The following ACSL6 variants were observed in gnomAD, a reference collection of about 807,000 sequenced individuals.
ACSL6 encodes the protein long-chain-fatty-acid--CoA ligase 6.
ACSL6 carries 47 observed loss-of-function variants against 98.2 expected under a neutral mutation model. That is an observed-to-expected ratio of 0.48 (90% confidence interval 0.38 to 0.61). ACSL6 has a LOEUF of 0.61. Ranked by LOEUF, ACSL6 falls within the 20% of genes least tolerant of loss-of-function variation. ACSL6 has a pLI of 0.00. For synonymous variants in ACSL6, 362 were observed against 336.9 expected (o/e 1.07, Z -0.82); for missense variants, 761 against 913.4 (o/e 0.83, Z 2.15).
In ACSL6 at chr5:131,953,925, T is replaced by C. The variant is rs1210657367; in HGVS notation, c.*309A>G. ...ACTTATGTTTTTCCTTTATGTTTAA[T>C]AGTTCTGTGAACATTGACAATATAT... On this transcript the variant is annotated 3_prime_UTR_variant, in exon 21 of 21. Coordinates refer to ENST00000651883, the MANE Select transcript of ACSL6 (RefSeq NM_001009185.3). The C allele has an allele frequency of 8.7e-6, 2 of 230,026 alleles. No individual in the cohort carries two copies. The highest frequency in any genetic ancestry group is 8.5e-6 in the Non-Finnish European group (1 of 117,140). 14.2% of individuals were successfully genotyped at this position (230,026 alleles called of 1,614,324 possible). A position where few individuals can be genotyped will look rare whatever the true frequency, so the allele number is the denominator to read the frequency against.
intron 9 of ACSL6, chr5:131,984,584 A>C (rs1365890138): frequency 6.6e-6 from 1 of 152,464 alleles, no homozygotes; most frequent in South Asian, 2.1e-4. Context: ...GCTTGGTGAC[A>C]ATCCTGCTCA....
At chr5:131,974,628 C>G in intron 11 of ACSL6, 1 of 1,072,944 alleles carries the variant, frequency 9.3e-7, no homozygotes, top group Non-Finnish European at 1.4e-6. Flanking sequence ...CCTCTGAGCC[C>G]TCTGACCCCT....
At chr5:131,985,323 A>G in intron 9 of ACSL6, 84 bp downstream of exon 9, 5 of 1,543,770 alleles carry the variant, frequency 3.2e-6, no homozygotes, top group African/African-American at 1.4e-5. Flanking sequence ...CAAACAGGGT[A>G]TCAAAGACTC....
Position 131,960,621 on chromosome 5 carries a change from C to A in ACSL6, c.1858G>T (p.Ala620Ser). 6.2e-7 allele frequency: 1 copy of A among 1,612,786 alleles called. No individual in the cohort carries two copies. The highest frequency in any genetic ancestry group is 8.5e-7 in the Non-Finnish European group (1 of 1,179,450). Residue 620 changes from alanine (A) to serine (S), a missense_variant and splice_region_variant, in exon 19 of 21, where the codon GCC becomes TCC. Transcript: ENST00000651883. ...GGCACAACAATGCCTACCAAAAAGG[C>A]CTGCAGTGCTCACCAAAGGAGAACA... ...QIYVHGDSLK[A>S]FLVGIVVPDP...
At chr5:131,959,512 G>C (rs777977624) in intron 20 of ACSL6, 24 bp downstream of exon 20, 1 of 1,609,750 alleles carries the variant, frequency 6.2e-7, no homozygotes, top group Admixed American at 1.7e-5. Context: ...GGGTTGTAAC[G>C]AGTATGGGGA....
chr5:131,960,416 C>T (rs1752643228), intron 19 of ACSL6, 104 bp downstream of exon 19: 10 of 825,464 alleles, frequency 1.2e-5, no homozygotes, highest in South Asian at 1.1e-4. Flanking sequence ...TTAGAAATTT[C>T]GTACGAGCTC....
Position 131,971,605 on chromosome 5 carries a change from G to C in ACSL6, c.1379C>G (p.Ala460Gly). The C allele has an allele frequency of 6.2e-7, 1 of 1,612,484 alleles. No homozygotes were observed. Among genetic ancestry groups the C allele is most frequent in the Middle Eastern group, 1.7e-4 (1 of 6,058 alleles). ...GGCVRMIVTG[A>G]APASPTVLGF... is the part of the protein sequence containing the mutation. ...CAGAACTGTTGGTGATGCTGGGGCT[G>C]CTCCAGTAACAATCATCCGCACACA... Residue 460 changes from alanine (A) to glycine (G), a missense_variant, in exon 14 of 21, where the codon GCA becomes GGA. By Grantham distance (60) the Ala-to-Gly change is moderately conservative. Coordinates refer to ENST00000651883, the MANE Select transcript of ACSL6 (RefSeq NM_001009185.3).
In ACSL6 at chr5:131,972,998, C is replaced by T. The variant is rs963132533; in HGVS notation, c.1204-140G>A. Reference sequence around the variant, plus strand: ...CTGCAGGAGGTCACTGAATGTGTGACATTGAGCTGAAGGTTAACACTGCCA... The same window carrying T: ...CTGCAGGAGGTCACTGAATGTGTGATATTGAGCTGAAGGTTAACACTGCCA... On this transcript the variant is annotated intron_variant, in intron 12 of 20. Transcript: ENST00000651883. 5 of 1,260,316 alleles carry T rather than the reference C, an allele frequency of 4.0e-6. 1 individual carries two copies. Among genetic ancestry groups the T allele is most frequent in the East Asian group, 5.0e-5 (2 of 40,072 alleles). The allele number at this position is 1,260,316 out of a possible 1,614,324, so 78.1% of individuals were successfully genotyped here.
chr5:131,979,019 C>G (rs190196255), intron 9 of ACSL6, among the ~76,000 whole-genome samples: 1 of 152,308 alleles, frequency 6.6e-6, no homozygotes, highest in African/African-American at 2.4e-5. Flanking sequence ...TTACATTTCT[C>G]TAATAAATAG....
chr5:131,951,803 G>T lies in ACSL6; in HGVS notation c.*2431C>A, dbSNP rs1268580365. 1 of 161,416 alleles carries T rather than the reference G, an allele frequency of 6.2e-6. No homozygotes were observed. The highest frequency in any genetic ancestry group is 1.4e-5 in the Non-Finnish European group (1 of 73,608). 10.0% of individuals were successfully genotyped at this position (161,416 alleles called of 1,614,324 possible). A position where few individuals can be genotyped will look rare whatever the true frequency, so the allele number is the denominator to read the frequency against. On this transcript the variant is annotated 3_prime_UTR_variant, in exon 21 of 21. Coordinates refer to ENST00000651883, the MANE Select transcript of ACSL6 (RefSeq NM_001009185.3). ...GGGGTTTCACTGTGTTAGCCAGGAT[G>T]GTCTCGATCTCCTGACTTCGTGATC... is the stretch of plus-strand genomic sequence containing the variant.
intron 19 of ACSL6, chr5:131,959,849 T>C: frequency 1.9e-6 from 1 of 535,050 alleles, no homozygotes; most frequent in Non-Finnish European, 3.3e-6. Context: ...CTCAATTTTT[T>C]TTTAAAGCAG....
chr5:131,994,324 C>T, intron 1 of ACSL6, 73 bp from the exon 2 acceptor site: 2 of 1,306,012 alleles, frequency 1.5e-6, no homozygotes, highest in Non-Finnish European at 2.1e-6. Flanking sequence ...GGTCACAGGA[C>T]CTGATATCTG....
At chr5:131,981,118 A>C (rs1262775001) in intron 9 of ACSL6, among the ~76,000 whole-genome samples, 1 of 151,938 alleles carries the variant, frequency 6.6e-6, no homozygotes, top group Non-Finnish European at 1.5e-5. Flanking sequence ...TGGTACTTGG[A>C]GACCTCCTTT....
intron 1 of ACSL6, among the ~76,000 whole-genome samples, chr5:132,010,228 C>T (rs1016668800): frequency 5.3e-5 from 8 of 152,130 alleles, no homozygotes; most frequent in African/African-American, 1.7e-4. Context: ...GGGAAGTGTC[C>T]CTGTGGCCTA....
rs561742921 is a variant in ACSL6 at position 131,989,841 on chromosome 5, G to A, written c.450+259C>T. On this transcript the variant is annotated intron_variant, in intron 4 of 20. Coordinates refer to ENST00000651883, the MANE Select transcript of ACSL6 (RefSeq NM_001009185.3). ...ACTCCTGTGCTCAGGCAATCCACCCGCCTTGGCCTCCCAAAGTGCTGGGAT... is the reference window on the plus strand; with the variant it reads ...ACTCCTGTGCTCAGGCAATCCACCCACCTTGGCCTCCCAAAGTGCTGGGAT... 3.3e-5 allele frequency among the ~76,000 whole-genome samples: 5 copies of A among 152,100 alleles called. No homozygotes were observed. In the South Asian group the frequency reaches 8.3e-4, roughly 25 times the overall value.
In ACSL6 at chr5:131,974,936, A is replaced by G; in HGVS notation, c.1025T>C (p.Ile342Thr). 6.2e-7 allele frequency: 1 copy of G among 1,614,180 alleles called. No homozygotes were observed. The highest frequency in any genetic ancestry group is 8.5e-7 in the Non-Finnish European group (1 of 1,180,034). ...CATGTGAGCCAGAGGCAGGAAGGAGATGAGCACATCGTCCTGTCTCGGAAA... is the reference window on the plus strand; with the variant it reads ...CATGTGAGCCAGAGGCAGGAAGGAGGTGAGCACATCGTCCTGTCTCGGAAA... ...VIFPRQDDVL[I>T]SFLPLAHMFE... Residue 342 changes from isoleucine to threonine, a missense_variant, in exon 11 of 21, where the codon ATC (isoleucine) becomes ACC (threonine). Physicochemically the swap from Ile to Thr is moderately conservative, Grantham distance 89. Transcript: ENST00000651883.
rs895263279 is a variant in ACSL6 at position 131,952,429 on chromosome 5, C to G, written c.*1805G>C. 9.4e-6 allele frequency: 2 copies of G among 212,022 alleles called. No individual in the cohort carries two copies. The highest frequency in any genetic ancestry group is 1.9e-5 in the Non-Finnish European group (2 of 104,824). 13.1% of individuals were successfully genotyped at this position (212,022 alleles called of 1,614,324 possible). On this transcript the variant is annotated 3_prime_UTR_variant, in exon 21 of 21. Transcript: ENST00000651883. ...ACTGATGCATATTTATTCAGTAGGC[C>G]CATGTGATTATGTGGTTTTTAACTA...
intron 9 of ACSL6, among the ~76,000 whole-genome samples, chr5:131,981,529 C>T (rs1055398244): frequency 6.6e-6 from 1 of 152,148 alleles, no homozygotes; most frequent in African/African-American, 2.4e-5. Flanking sequence ...CCAGAAGACA[C>T]CCTCTACCCT....
At chr5:131,960,907 G>A (rs1752672263) in intron 18 of ACSL6, 1 of 264,104 alleles carries the variant, frequency 3.8e-6, no homozygotes, top group South Asian at 1.3e-4. Context: ...ACATCTTCAG[G>A]AGGCTGAGCA....
Sources: allele counts gnomAD v4.1 joint callset (sites outside exome capture counted in the v4.1 genomes callset), GRCh38; gene constraint gnomAD v4.1.1; transcripts MANE v1.5; gene names NCBI Gene and HGNC (gene_info 2026-07-23, HGNC 2026-07-21).